The following SCMH1 variants were observed in gnomAD, a reference collection of about 807,000 sequenced individuals.
The protein encoded by SCMH1 is polycomb protein SCMH1.
In SCMH1, 37 loss-of-function variants were observed where a neutral mutation model predicts 70.8. The ratio of observed to expected loss-of-function variants is 0.52; its 90% CI spans 0.40 to 0.69. The LOEUF (loss-of-function observed/expected upper bound fraction) is 0.69, where lower values mean the gene tolerates loss of function less well. SCMH1 is among the 30% of genes least tolerant of loss of function. The pLI, the probability that SCMH1 is intolerant of heterozygous loss-of-function variation, is 0.00. For synonymous variants in SCMH1, 292 were observed against 307.4 expected (o/e 0.95, Z 0.52); for missense variants, 607 against 827.3 (o/e 0.73, Z 3.27).
chr1:41,054,378 T>C (rs1332734879), intron 10 of SCMH1, among the ~76,000 whole-genome samples: 4 of 152,108 alleles, frequency 2.6e-5, no homozygotes, highest in Non-Finnish European at 5.9e-5. Flanking sequence ...AGACAAGAGA[T>C]GAGCTTAAAA....
intron 1 of SCMH1, among the ~76,000 whole-genome samples, chr1:41,212,651 A>T (rs977862347): frequency 6.6e-6 from 1 of 152,150 alleles, no homozygotes; most frequent in African/African-American, 2.4e-5. Context: ...TTTTCCTGAA[A>T]AACAAACCAA....
chr1:41,196,331 G>C (rs1336347482), intron 1 of SCMH1, among the ~76,000 whole-genome samples: 2 of 152,042 alleles, frequency 1.3e-5, no homozygotes, highest in Non-Finnish European at 2.9e-5. Context: ...CAAAGCTACA[G>C]TAATCAAAAT....
chr1:41,205,160 T>C (rs1418527180), intron 1 of SCMH1, among the ~76,000 whole-genome samples: 2 of 152,194 alleles, frequency 1.3e-5, no homozygotes, highest in African/African-American at 4.8e-5. Flanking sequence ...CATTTCCAAC[T>C]GAGGTATCTG....
chr1:41,142,794 T>C (rs1644219901), intron 6 of SCMH1, 84 bp downstream of exon 6: 2 of 1,193,468 alleles, frequency 1.7e-6, no homozygotes, highest in South Asian at 2.7e-5. Flanking sequence ...CTGGGTACCC[T>C]AGGCTTTCCC....
At chr1:41,233,728 A>C (rs562620519) in intron 1 of SCMH1, among the ~76,000 whole-genome samples, 3 of 152,272 alleles carry the variant, frequency 2.0e-5, no homozygotes, top group African/African-American at 7.2e-5. Flanking sequence ...TCATGTCTTT[A>C]GGGCCTTTCA....
At chr1:41,089,785 C>CTTTTTTTTTTTTTTTTTTT (rs1558778255) in intron 8 of SCMH1, among the ~76,000 whole-genome samples, 1 of 37,320 alleles carries the variant, frequency 2.7e-5, no homozygotes, top group Non-Finnish European at 4.7e-5. Context: ...ACCATGTTGT[C>CTTTTTTTTTTTTTTTTTTT]TCTTTTTTTT....
chr1:41,178,137 T>A (rs192023606), intron 2 of SCMH1, among the ~76,000 whole-genome samples: 10 of 152,262 alleles, frequency 6.6e-5, no homozygotes, highest in Non-Finnish European at 1.0e-4. Context: ...CCAGCCAAAC[T>A]AAGCTTCATA....
At chr1:41,041,244 C>A (rs1248084082) in intron 12 of SCMH1, 2 of 152,020 alleles carry the variant, frequency 1.3e-5, no homozygotes, top group African/African-American at 4.8e-5. Flanking sequence ...AAAAAAAAAT[C>A]CCTCTCTGAA....
At chr1:41,231,148 G>T (rs1661228201) in intron 1 of SCMH1, among the ~76,000 whole-genome samples, 1 of 152,102 alleles carries the variant, frequency 6.6e-6, no homozygotes, top group Admixed American at 6.6e-5. Context: ...TTTGTACTGG[G>T]ATTCACTATT....
At chr1:41,118,917 G>A (rs1671211703) in intron 6 of SCMH1, among the ~76,000 whole-genome samples, 1 of 152,214 alleles carries the variant, frequency 6.6e-6, no homozygotes, top group South Asian at 2.1e-4. Flanking sequence ...AGTATCTGAT[G>A]TTATTGAGCA....
intron 10 of SCMH1, among the ~76,000 whole-genome samples, chr1:41,067,715 A>G (rs1277871991): frequency 6.6e-6 from 1 of 152,178 alleles, no homozygotes; most frequent in African/African-American, 2.4e-5. Flanking sequence ...TGTATTATAC[A>G]TGATGGTGGA....
At chr1:41,152,887 C>T (rs1645189281) in intron 4 of SCMH1, 12 of 710,892 alleles carry the variant, frequency 1.7e-5, no homozygotes, top group Admixed American at 1.2e-4. Flanking sequence ...TAGATTTGGC[C>T]AGAAATCACA....
chr1:41,240,380 AAG>A (rs1274322929), intron 1 of SCMH1, among the ~76,000 whole-genome samples: 1 of 152,206 alleles, frequency 6.6e-6, no homozygotes, highest in East Asian at 1.9e-4. Context: ...TTGCTTAGGC[AAG>A]AGTTTAGGAG....
intron 13 of SCMH1, among the ~76,000 whole-genome samples, chr1:41,032,994 A>C (rs75286021): frequency 6.6e-6 from 1 of 151,374 alleles, no homozygotes; most frequent in African/African-American, 2.4e-5. Context: ...AAAAAAAAAA[A>C]AGACAGAGGC....
intron 3 of SCMH1, 145 bp downstream of exon 3, chr1:41,161,219 G>A (rs1645998426): frequency 3.9e-6 from 5 of 1,294,382 alleles, no homozygotes; most frequent in Non-Finnish European, 5.3e-6. Flanking sequence ...TATTGCTTAT[G>A]ACCAATACCT....
intron 2 of SCMH1, 91 bp downstream of exon 2, chr1:41,186,029 AG>A: frequency 7.3e-7 from 1 of 1,375,150 alleles, no homozygotes; most frequent in Non-Finnish European, 1.0e-6. Flanking sequence ...GATAACGAGT[AG>A]TCTAATTATT....
Position 41,202,960 on chromosome 1 carries a change from C to T in SCMH1, c.-117-16710G>A, listed in dbSNP as rs1654709777. On this transcript the variant is annotated intron_variant, in intron 1 of 14. Coordinates refer to ENST00000337495, the Ensembl canonical transcript of SCMH1. ...CTTTTAACTTTTAAAAATATGATTA[C>T]TAGAAAAATATAAAATTACATAGGT... Among the ~76,000 whole-genome samples the T allele has an allele frequency of 2.1e-5, 3 of 143,682 alleles. No individual in the cohort carries two copies. The South Asian group carries it at 6.6e-4, about 32-fold the overall frequency. 94.3% of individuals were successfully genotyped at this position (143,682 alleles called of 152,430 possible).
intron 8 of SCMH1, among the ~76,000 whole-genome samples, chr1:41,111,959 T>G (rs1055190293): frequency 2.0e-5 from 3 of 152,188 alleles, no homozygotes; most frequent in Admixed American, 2.0e-4. Flanking sequence ...ATGTCAAAAC[T>G]TTTCAAATTG....
chr1:41,103,586 C>CA (rs1183502312), intron 8 of SCMH1, among the ~76,000 whole-genome samples: 3 of 151,924 alleles, frequency 2.0e-5, no homozygotes, highest in African/African-American at 4.8e-5. Context: ...AAAAGCTTGC[C>CA]AAAAAAACCC....
Sources: allele counts gnomAD v4.1 joint callset (sites outside exome capture counted in the v4.1 genomes callset), GRCh38; gene constraint gnomAD v4.1.1; transcripts MANE v1.5; gene names NCBI Gene and HGNC (gene_info 2026-07-23, HGNC 2026-07-21).